Variants in LLGL1 observed in about 807,000 individuals in gnomAD.
LLGL1 encodes the protein lethal(2) giant larvae protein homolog 1.
Under a neutral mutation model 110.6 loss-of-function variants are expected in LLGL1, and 58 were observed. The ratio of observed to expected loss-of-function variants is 0.52; its 90% CI spans 0.42 to 0.65. The LOEUF (loss-of-function observed/expected upper bound fraction) is 0.65. Ranked by LOEUF, LLGL1 falls within the 30% of genes least tolerant of loss-of-function variation. The probability of loss-of-function intolerance (pLI) is 0.00; values close to 1 mark genes in which losing one functional copy is unlikely to be tolerated. For synonymous variants in LLGL1, 674 were observed against 607.2 expected (o/e 1.11, Z -1.62); for missense variants, 1,229 against 1,462.1 (o/e 0.84, Z 2.60).
chr17:18,237,522 G>A lies in LLGL1; in HGVS notation c.1653G>A (p.Ala551=), dbSNP rs770992087. The A allele has an allele frequency of 2.8e-5, 45 of 1,599,702 alleles. No homozygotes were observed. The Admixed American group carries it at 6.0e-4, about 21-fold the overall frequency. Residue 551 remains alanine (A), a synonymous_variant, in exon 14 of 23, where the codon GCG becomes GCA. Coordinates refer to ENST00000316843, the MANE Select transcript of LLGL1 (RefSeq NM_004140.4). ...TTAGTGATGTGCCGGTGGAGCAGGC[G>A]GTCAGCGTGGCCATCATAGACCTCC... The part of the protein sequence containing the change: ...LELSDVPVEQ[A]VSVAIIDLLQ...
rs774253367 is a variant in LLGL1, at chr17:18,232,537, T to G, written c.222T>G (p.Asp74Glu). ...PGVEFTGLHR[D>E]AATVTQMHFL... ...TGGAGTTCACAGGCCTGCACCGGGATGCAGCCACTGTCACACAGATGCACT... is the reference window on the plus strand; with the variant it reads ...TGGAGTTCACAGGCCTGCACCGGGAGGCAGCCACTGTCACACAGATGCACT... Residue 74 changes from aspartate (D) to glutamate (E), a missense_variant, in exon 3 of 23, where the codon GAT (aspartate) becomes GAG (glutamate). By Grantham distance (45) the Asp-to-Glu change is conservative (BLOSUM62 2). Coordinates refer to ENST00000316843, the MANE Select transcript of LLGL1 (RefSeq NM_004140.4). The G allele has an allele frequency of 1.2e-5, 19 of 1,614,138 alleles. No homozygotes were observed. The highest frequency in any genetic ancestry group is 1.5e-5 in the Non-Finnish European group (18 of 1,179,998).
intron 4 of LLGL1, 26 bp downstream of exon 4, chr17:18,232,828 G>A: frequency 6.2e-7 from 1 of 1,613,292 alleles, no homozygotes; most frequent in Admixed American, 1.7e-5. Context: ...GCTGGGGCCA[G>A]CCACCGGGCA....
In LLGL1 at chr17:18,227,974, C is replaced by T. The variant is rs142694413; in HGVS notation, c.82-1967C>T. 2.6e-3 allele frequency among the ~76,000 whole-genome samples: 392 copies of T among 152,236 alleles called. 1 individual carries two copies. Among genetic ancestry groups the T allele is most frequent in the African/African-American group, 9.1e-3 (376 of 41,514 alleles). On this transcript the variant is annotated intron_variant, in intron 1 of 22. Transcript: ENST00000316843. ...TGAGCAGGGACTTTGGACTCTGAGT[C>T]TTGGGTTCAAATCCCAGTCCAGCCC...
chr17:18,244,746 G>GGGGGGT lies in LLGL1; in HGVS notation c.*840_*841insGGGGGT, dbSNP rs2047961577. On this transcript the variant is annotated 3_prime_UTR_variant, in exon 23 of 23. Coordinates refer to ENST00000316843, the MANE Select transcript of LLGL1 (RefSeq NM_004140.4). ...GCGGGGGGGGGGGGCAGGGGGGGGG[G>GGGGGGT]TCAAGATGAGTTTCCCTGTAGATTG... 7.4e-6 allele frequency: 1 copy of GGGGGGT among 135,672 alleles called. No individual in the cohort carries two copies. The highest frequency in any genetic ancestry group is 2.8e-5 in the African/African-American group (1 of 35,556). 8.4% of individuals were successfully genotyped at this position (135,672 alleles called of 1,614,324 possible). A position where few individuals can be genotyped will look rare whatever the true frequency, so the allele number is the denominator to read the frequency against.
intron 2 of LLGL1, among the ~76,000 whole-genome samples, chr17:18,231,650 G>GT (rs1198150583): frequency 3.9e-5 from 6 of 152,082 alleles, no homozygotes; most frequent in African/African-American, 7.2e-5. Flanking sequence ...AGGGAGGTGG[G>GT]TTTTTTTTGT....
intron 1 of LLGL1, among the ~76,000 whole-genome samples, chr17:18,226,255 G>C (rs2047439659): frequency 6.6e-6 from 1 of 152,030 alleles, no homozygotes; most frequent in Admixed American, 6.6e-5. Context: ...CTCCCTGCGT[G>C]TCTCTCTCTC....
chr17:18,235,232 G>A lies in LLGL1; in HGVS notation c.1204G>A (p.Ala402Thr). ...SSAITCSAHV[A>T]SVPAKLWARI... is the part of the protein sequence containing the mutation. ...TGCAATCACTTGCTCGGCCCACGTG[G>A]CCAGTGTCCCCGCCAAGCTGTGGGC... Residue 402 changes from alanine to threonine, a missense_variant, in exon 10 of 23, where the codon GCC (alanine) becomes ACC (threonine). Ala to Thr is a moderately conservative substitution (Grantham distance 58). Coordinates refer to ENST00000316843, the MANE Select transcript of LLGL1 (RefSeq NM_004140.4). The A allele has an allele frequency of 1.2e-6, 2 of 1,610,686 alleles. No individual in the cohort carries two copies. The highest frequency in any genetic ancestry group is 1.1e-5 in the South Asian group (1 of 91,082).
Position 18,225,697 on chromosome 17 carries a change from G to A in LLGL1, c.15G>A (p.Arg5=). 8 of 1,046,694 alleles carry A rather than the reference G, an allele frequency of 7.6e-6. No homozygotes were observed. The highest frequency in any genetic ancestry group is 9.3e-6 in the Non-Finnish European group (8 of 860,458). The allele number at this position is 1,046,694 out of a possible 1,614,324, so 64.8% of individuals were successfully genotyped here. Residue 5 remains arginine (R), a synonymous_variant, in exon 1 of 23, where the codon CGG becomes CGA. Transcript: ENST00000316843. MMKF[R]FRRQGADPQR... is the part of the protein sequence containing the mutation. ...CCGGGCGCAAGATGATGAAGTTTCG[G>A]TTCCGGCGGCAGGGCGCCGACCCGC...
chr17:18,241,372 G>C, intron 17 of LLGL1, 79 bp from the exon 18 acceptor site: 1 of 1,511,932 alleles, frequency 6.6e-7, no homozygotes. Context: ...GGGGCTGTTG[G>C]GTCAGCAGCC....
intron 22 of LLGL1, 62 bp downstream of exon 22, chr17:18,242,884 T>C: frequency 6.9e-7 from 1 of 1,444,158 alleles, no homozygotes; most frequent in South Asian, 1.4e-5. Flanking sequence ...TCAGCCCGTC[T>C]GGGTACCATT....
At chr17:18,231,063 C>A (rs767232038) in intron 2 of LLGL1, among the ~76,000 whole-genome samples, 221 of 152,344 alleles carry the variant, frequency 1.5e-3, no homozygotes, top group Non-Finnish European at 1.0e-3. Flanking sequence ...CTGCAGCCTT[C>A]AGGTGTCCCT....
chr17:18,232,923 C>G (rs1005140861), intron 4 of LLGL1, 121 bp downstream of exon 4: 3 of 1,290,156 alleles, frequency 2.3e-6, no homozygotes, highest in Non-Finnish European at 3.3e-6. Context: ...ATGCCTTGAG[C>G]TGGGCCTGGG....
At position 18,235,168 on chromosome 17, in the gene LLGL1, A is replaced by G; in HGVS notation, c.1140A>G (p.Pro380=). 1 of 1,613,244 alleles carries G rather than the reference A, an allele frequency of 6.2e-7. No homozygotes were observed. Reference sequence around the variant, plus strand: ...TGGACCTGCAGACTCCTGGCTGGCCAGCTGTGCCTGCCCCATACCTGGCCC... The same window carrying G: ...TGGACCTGCAGACTCCTGGCTGGCCGGCTGTGCCTGCCCCATACCTGGCCC... The part of the protein sequence containing the change: ...VVLDLQTPGW[P]AVPAPYLAPL... The change falls in exon 10 of 23, where the codon CCA becomes CCG. Residue 380 remains proline (P), a synonymous_variant. Coordinates refer to ENST00000316843, the MANE Select transcript of LLGL1 (RefSeq NM_004140.4).
At chr17:18,237,409 C>T in intron 13 of LLGL1, 72 bp from the exon 14 acceptor site, 1 of 1,425,286 alleles carries the variant, frequency 7.0e-7, no homozygotes, top group Non-Finnish European at 9.3e-7. Context: ...GCTTCAGAGG[C>T]TCCAGGCTGA....
At position 18,236,877 on chromosome 17, in the gene LLGL1, G is replaced by A. The variant is rs145135032; in HGVS notation, c.1549G>A (p.Val517Met). Residue 517 changes from valine (V) to methionine (M), a missense_variant, in exon 13 of 23, where the codon GTG becomes ATG. Coordinates refer to ENST00000316843, the MANE Select transcript of LLGL1 (RefSeq NM_004140.4). ...DPYSDDPRLG[V>M]QKVALCKYTA... The stretch of plus-strand genomic sequence containing the variant: ...CTACAGTGACGATCCCCGGCTTGGC[G>A]TGCAGAAGGTTGCTCTCTGCAAGTA... The A allele has an allele frequency of 9.9e-6, 16 of 1,613,740 alleles. No homozygotes were observed. Among genetic ancestry groups the A allele is most frequent in the African/African-American group, 2.7e-5 (2 of 74,910 alleles).
In LLGL1 at chr17:18,242,509, C is replaced by T. The variant is rs760501553; in HGVS notation, c.2997C>T (p.Asp999=). Reference sequence around the variant, plus strand: ...GGGCTGATGACTTGCTCCCTGTAGACACCCCGGAGCCACCCGAGGCTGCAC... The same window carrying T: ...GGGCTGATGACTTGCTCCCTGTAGATACCCCGGAGCCACCCGAGGCTGCAC... ...SPDPAHSMGP[D]TPEPPEAALS... Residue 999 remains aspartate (D), a splice_region_variant and synonymous_variant, in exon 21 of 23, where the codon GAC becomes GAT. Coordinates refer to ENST00000316843, the MANE Select transcript of LLGL1 (RefSeq NM_004140.4). 1.6e-5 allele frequency: 26 copies of T among 1,613,860 alleles called. No individual in the cohort carries two copies. Among genetic ancestry groups the T allele is most frequent in the Non-Finnish European group, 2.0e-5 (24 of 1,179,932 alleles).
chr17:18,240,444 C>T lies in LLGL1; in HGVS notation c.2207-134C>T. 2 of 1,110,608 alleles carry T rather than the reference C, an allele frequency of 1.8e-6. No homozygotes were observed. 68.8% of individuals were successfully genotyped at this position (1,110,608 alleles called of 1,614,324 possible). A position where few individuals can be genotyped will look rare whatever the true frequency, so the allele number is the denominator to read the frequency against. On this transcript the variant is annotated intron_variant, in intron 16 of 22. Transcript: ENST00000316843. This position sits in a 1 kb window ranked among gnomAD's most constrained non-coding sequence, Gnocchi z 5.3. ...AGGCATGGGGCAGGAGGGAATCAGC[C>T]CTGAGTCCCAGGGTGTCATAGTTAG...
Position 18,240,473 on chromosome 17 carries a change from G to T in LLGL1, c.2207-105G>T. 1 of 1,318,616 alleles carries T rather than the reference G, an allele frequency of 7.6e-7. No individual in the cohort carries two copies. Among genetic ancestry groups the T allele is most frequent in the Non-Finnish European group, 1.0e-6 (1 of 973,224 alleles). 81.7% of individuals were successfully genotyped at this position (1,318,616 alleles called of 1,614,324 possible). On this transcript the variant is annotated intron_variant, in intron 16 of 22. Coordinates refer to ENST00000316843, the MANE Select transcript of LLGL1 (RefSeq NM_004140.4). This position sits in a 1 kb window ranked among gnomAD's most constrained non-coding sequence, Gnocchi z 5.3. Reference sequence around the variant, plus strand: ...AGTCCCAGGGTGTCATAGTTAGGAAGCAGGGCTACAAGAGAGGCAGGGAGG... The same window carrying T: ...AGTCCCAGGGTGTCATAGTTAGGAATCAGGGCTACAAGAGAGGCAGGGAGG...
At chr17:18,243,518 T>C (rs2047901742) in intron 22 of LLGL1, among the ~76,000 whole-genome samples, 1 of 152,212 alleles carries the variant, frequency 6.6e-6, no homozygotes, top group African/African-American at 2.4e-5. Context: ...TCAGGTCTCA[T>C]CGGTTGGGCC....
Sources: gnomAD v4.1 joint callset for allele counts (sites outside exome capture counted in the v4.1 genomes callset) on GRCh38, gnomAD v4.1.1 for gene constraint, Gnocchi (gnomAD v3.1) non-coding constraint, MANE v1.5 for transcripts, NCBI Gene and HGNC (gene_info 2026-07-23, HGNC 2026-07-21) for gene names.